NAV1: variants seen among roughly 807,000 people sequenced by gnomAD.
NAV1 encodes the protein neuron navigator 1.
NAV1 carries 18 observed loss-of-function variants against 175.2 expected under a neutral mutation model. The ratio of observed to expected loss-of-function variants is 0.10; its 90% confidence interval spans 0.07 to 0.15. The LOEUF (loss-of-function observed/expected upper bound fraction) is 0.15. Among genes scored for constraint, NAV1 ranks in the 10% least tolerant of loss-of-function variants. NAV1 has a pLI of 1.00. For synonymous variants in NAV1, 897 were observed against 978.7 expected (o/e 0.92, Z 1.56); for missense variants, 1,731 against 2,436.6 (o/e 0.71, Z 6.10).
In NAV1 at chr1:201,783,394, ATCT is replaced by A. The variant is rs1676466901; in HGVS notation, c.2358-8_2358-6del. 1 of 1,610,184 alleles carries A rather than the reference ATCT, an allele frequency of 6.2e-7. No homozygotes were observed. The highest frequency in any genetic ancestry group is 8.5e-7 in the Non-Finnish European group (1 of 1,177,484). Reference sequence around the variant, plus strand: ...TCTATTATTCTAAATATTTCGTTTGATCTTCTCTCAGGGCCACAGCGAAGAGCT... The same window carrying A: ...TCTATTATTCTAAATATTTCGTTTGATCTCTCAGGGCCACAGCGAAGAGCT... On this transcript the variant is annotated splice_polypyrimidine_tract_variant and intron_variant, in intron 6 of 29. Coordinates refer to ENST00000367296, the Ensembl canonical transcript of NAV1.
At chr1:201,757,505 T>G (rs1674589094) in intron 3 of NAV1, among the ~76,000 whole-genome samples, 1 of 152,216 alleles carries the variant, frequency 6.6e-6, no homozygotes, top group African/African-American at 2.4e-5. Context: ...TCTTCTGCTT[T>G]TGCTGGAATT....
At chr1:201,591,624 G>T (rs1012000661) in intron 2 of NAV1, among the ~76,000 whole-genome samples, 4 of 152,190 alleles carry the variant, frequency 2.6e-5, no homozygotes, top group Non-Finnish European at 4.4e-5. Context: ...CAGCCTGCTG[G>T]CTGGCTCTCT....
intron 1 of NAV1, among the ~76,000 whole-genome samples, chr1:201,568,182 A>G (rs1242708216): frequency 6.6e-6 from 1 of 152,050 alleles, no homozygotes; most frequent in African/African-American, 2.4e-5. Context: ...AGCACTTCCC[A>G]CTGCTCCTCC....
At chr1:201,713,183 G>A (rs1671985329) in intron 2 of NAV1, among the ~76,000 whole-genome samples, 1 of 152,212 alleles carries the variant, frequency 6.6e-6, no homozygotes, top group Non-Finnish European at 1.5e-5. Context: ...CCAGGAAGTG[G>A]AAGCCATTAC....
upstream of NAV1, among the ~76,000 whole-genome samples, chr1:201,620,342 A>C (rs572357359): frequency 6.6e-6 from 1 of 152,082 alleles, no homozygotes; most frequent in Non-Finnish European, 1.5e-5. Context: ...TGAGAATCAA[A>C]CTGAGTATTT....
At chr1:201,569,785 C>T (rs1666476612) in intron 1 of NAV1, among the ~76,000 whole-genome samples, 1 of 152,202 alleles carries the variant, frequency 6.6e-6, no homozygotes. Context: ...GTCCAGTTCT[C>T]TCCCTTTGCT....
intron 1 of NAV1, among the ~76,000 whole-genome samples, chr1:201,574,898 G>A (rs747903799): frequency 2.0e-5 from 3 of 152,178 alleles, no homozygotes; most frequent in South Asian, 2.1e-4. Context: ...TCAGACTGGG[G>A]TGCTCATGGC....
chr1:201,632,300 C>T (rs1668500006), intron 2 of NAV1, among the ~76,000 whole-genome samples: 1 of 152,216 alleles, frequency 6.6e-6, no homozygotes, highest in Non-Finnish European at 1.5e-5. Context: ...CTTCATATAT[C>T]CTGAAGGCCA....
intron 1 of NAV1, among the ~76,000 whole-genome samples, chr1:201,549,077 C>CTCTTTCTTTCTTTCTT (rs200725995): frequency 2.5e-4 from 33 of 130,106 alleles, no homozygotes; most frequent in South Asian, 5.5e-4. Flanking sequence ...TTCTAGTTTT[C>CTCTTTCTTTCTTTCTT]TCTTTCTTTC....
chr1:201,644,784 A>G (rs904696951), upstream of NAV1, among the ~76,000 whole-genome samples: 4 of 152,196 alleles, frequency 2.6e-5, no homozygotes, highest in Admixed American at 6.5e-5. Context: ...CATTTATTGA[A>G]GGAAGGGAAA....
At chr1:201,723,856 A>G (rs1217126035) in intron 3 of NAV1, 5 of 152,226 alleles carry the variant, frequency 3.3e-5, no homozygotes, top group African/African-American at 1.2e-4. Context: ...TATTGATTCA[A>G]ATTCTGTCAT....
At chr1:201,823,368 G>GTC (rs1553285477) in exon 30 of NAV1, 9 of 116,416 alleles carry the variant, frequency 7.7e-5, no homozygotes, top group Admixed American at 4.3e-4. Flanking sequence ...GTCTGCGTGT[G>GTC]TGTGTGTGTG....
intron 1 of NAV1, among the ~76,000 whole-genome samples, chr1:201,665,465 C>T (rs1669783867): frequency 1.3e-5 from 2 of 152,074 alleles, no homozygotes; most frequent in South Asian, 4.2e-4. Flanking sequence ...CCATTTCTGT[C>T]CGCACTAGCC....
At chr1:201,646,634 T>C (rs758944915), upstream of NAV1, among the ~76,000 whole-genome samples, 3 of 152,134 alleles carry the variant, frequency 2.0e-5, no homozygotes, top group Non-Finnish European at 4.4e-5. Flanking sequence ...GTGCCACTTA[T>C]CCTTTCTGCT....
chr1:201,666,768 C>A (rs1669839735), intron 1 of NAV1, among the ~76,000 whole-genome samples: 1 of 152,118 alleles, frequency 6.6e-6, no homozygotes. Context: ...ACTCTCAGCT[C>A]CCTCCTGGCC....
At chr1:201,739,764 C>T (rs958602801) in intron 3 of NAV1, 30 of 1,206,238 alleles carry the variant, frequency 2.5e-5, no homozygotes, top group African/African-American at 3.1e-5. Flanking sequence ...AGAGCCCGCT[C>T]GCAGCCTGCA....
exon 1 of NAV1, chr1:201,648,808 C>A (rs776139888): frequency 6.4e-7 from 1 of 1,563,706 alleles, no homozygotes; most frequent in Admixed American, 1.9e-5. Flanking sequence ...CCCAAGCGCG[C>A]CAAGGCGCCC....
chr1:201,611,774 T>C (rs1232326256), intron 2 of NAV1, among the ~76,000 whole-genome samples: 1 of 152,138 alleles, frequency 6.6e-6, no homozygotes, highest in Non-Finnish European at 1.5e-5. Context: ...CTGGAGCCTC[T>C]GAGATGAGCG....
chr1:201,717,987 T>G (rs1368212380), intron 2 of NAV1, among the ~76,000 whole-genome samples: 1 of 152,206 alleles, frequency 6.6e-6, no homozygotes, highest in Non-Finnish European at 1.5e-5. Flanking sequence ...TGTCTGTACA[T>G]ATGTGATCCT....
Sources: gnomAD v4.1 joint callset for allele counts (sites outside exome capture counted in the v4.1 genomes callset) on GRCh38, gnomAD v4.1.1 for gene constraint, MANE v1.5 for transcripts, NCBI Gene and HGNC (gene_info 2026-07-23, HGNC 2026-07-21) for gene names.